Variants in PPHLN1 observed in about 807,000 individuals in gnomAD.
The protein encoded by PPHLN1 is periphilin 1.
In PPHLN1, 29 loss-of-function variants were observed where a neutral mutation model predicts 51.3. That is an observed-to-expected ratio of 0.57 (90% CI 0.42 to 0.77). The LOEUF is 0.77. PPHLN1 is among the 30% of genes least tolerant of loss of function. PPHLN1 has a pLI of 0.00. For synonymous variants in PPHLN1, 147 were observed against 147.8 expected (o/e 0.99, Z 0.04); for missense variants, 436 against 438.4 (o/e 0.99, Z 0.05).
chr12:42,435,247 G>C (rs1327392165), intron 9 of PPHLN1, among the ~76,000 whole-genome samples: 2 of 152,162 alleles, frequency 1.3e-5, no homozygotes, highest in Non-Finnish European at 2.9e-5. Context: ...ATTGATTGCT[G>C]AGGCTTTTTA....
At chr12:42,342,096 C>T (rs10880289) in intron 2 of PPHLN1, among the ~76,000 whole-genome samples, 24,665 of 150,706 alleles carry the variant, frequency 0.16, 2,049 homozygotes, top group Admixed American at 0.2. Context: ...AAATCAGTCA[C>T]CACAGAATAT....
intron 7 of PPHLN1, among the ~76,000 whole-genome samples, chr12:42,390,060 A>G (rs550116874): frequency 4.6e-5 from 7 of 152,330 alleles, no homozygotes; most frequent in African/African-American, 1.2e-4. Context: ...TCTCTTAGCC[A>G]TAACGGTTGT....
At chr12:42,328,466 T>C (rs2069143263) in intron 1 of PPHLN1, among the ~76,000 whole-genome samples, 1 of 152,212 alleles carries the variant, frequency 6.6e-6, no homozygotes, top group Non-Finnish European at 1.5e-5. Flanking sequence ...GGAAGGAGGC[T>C]GACCGGTTAA....
At position 42,412,057 on chromosome 12, in the gene PPHLN1, T is replaced by C. The variant is rs574975417; in HGVS notation, c.909+13063T>C. Among the ~76,000 whole-genome samples the C allele has an allele frequency of 1.6e-3, 250 of 151,856 alleles. 2 individuals are homozygous for C. Among genetic ancestry groups the C allele is most frequent in the African/African-American group, 5.2e-3 (217 of 41,386 alleles). Reference sequence around the variant, plus strand: ...CCGTCTCTACTAAAAATACAAAAATTAGCTGGGCGTGGTGGCACGCATCTA... The same window carrying C: ...CCGTCTCTACTAAAAATACAAAAATCAGCTGGGCGTGGTGGCACGCATCTA... On this transcript the variant is annotated intron_variant, in intron 9 of 9. Transcript: ENST00000358314.
At chr12:42,335,261 T>C (rs2070426780) in intron 1 of PPHLN1, among the ~76,000 whole-genome samples, 1 of 151,668 alleles carries the variant, frequency 6.6e-6, no homozygotes, top group Non-Finnish European at 1.5e-5. Flanking sequence ...TTGACAGAAC[T>C]TTTAATTTCA....
intron 2 of PPHLN1, among the ~76,000 whole-genome samples, chr12:42,349,114 T>C (rs1166216653): frequency 6.6e-6 from 1 of 152,244 alleles, no homozygotes; most frequent in Non-Finnish European, 1.5e-5. Flanking sequence ...AGTCATTTAA[T>C]AACAATTGAA....
intron 9 of PPHLN1, among the ~76,000 whole-genome samples, chr12:42,411,189 A>G (rs1056918413): frequency 6.6e-6 from 1 of 151,842 alleles, no homozygotes; most frequent in African/African-American, 2.4e-5. Context: ...GTGAAAGACT[A>G]TCTCTAAGTC....
At chr12:42,434,751 C>G (rs1042476835) in intron 9 of PPHLN1, among the ~76,000 whole-genome samples, 1 of 152,118 alleles carries the variant, frequency 6.6e-6, no homozygotes, top group Non-Finnish European at 1.5e-5. Context: ...TGGAGTGCAA[C>G]GGCGCGATCT....
intron 9 of PPHLN1, among the ~76,000 whole-genome samples, chr12:42,408,647 G>T (rs1344344872): frequency 3.7e-4 from 56 of 152,114 alleles, no homozygotes; most frequent in Non-Finnish European, 5.9e-5. Context: ...TCTGAGCCTT[G>T]CTTTGCTCAT....
intron 9 of PPHLN1, among the ~76,000 whole-genome samples, chr12:42,409,209 A>G (rs888262447): frequency 2.0e-5 from 3 of 152,140 alleles, no homozygotes; most frequent in African/African-American, 7.2e-5. Context: ...GGACTACTGT[A>G]TAGTCTTTGT....
intron 7 of PPHLN1, among the ~76,000 whole-genome samples, chr12:42,393,212 A>G (rs2139183244): frequency 6.6e-6 from 1 of 152,304 alleles, no homozygotes; most frequent in East Asian, 1.9e-4. Flanking sequence ...GACATTACTT[A>G]TTTCATTAAA....
intron 8 of PPHLN1, among the ~76,000 whole-genome samples, chr12:42,394,617 A>G (rs1477652675): frequency 6.6e-6 from 1 of 152,090 alleles, no homozygotes; most frequent in African/African-American, 2.4e-5. Flanking sequence ...CTTTCTTTTT[A>G]AAAATGCTGA....
chr12:42,403,860 T>C (rs566889607), intron 9 of PPHLN1, among the ~76,000 whole-genome samples: 7 of 152,308 alleles, frequency 4.6e-5, no homozygotes, highest in African/African-American at 1.7e-4. Context: ...TCTCTACCAG[T>C]GTTAGGTAAG....
rs544230813 is a variant in PPHLN1 at position 42,374,989 on chromosome 12, C to T, written c.426C>T (p.His142=). ...ESPVGRKDSP[H]SRSGSSVSSR... ...CTGTTGGCCGAAAGGATTCTCCACACAGCAGATCTGGTTCCAGTGTCAGTA... is the reference window on the plus strand; with the variant it reads ...CTGTTGGCCGAAAGGATTCTCCACATAGCAGATCTGGTTCCAGTGTCAGTA... The change falls in exon 5 of 10, where the codon CAC becomes CAT. Residue 142 remains histidine (H), a synonymous_variant. Transcript: ENST00000358314. The T allele has an allele frequency of 6.2e-7, 1 of 1,614,016 alleles. No homozygotes were observed. The highest frequency in any genetic ancestry group is 1.3e-5 in the African/African-American group (1 of 75,016).
chr12:42,382,072 T>C (rs563563664), intron 5 of PPHLN1, among the ~76,000 whole-genome samples: 1 of 152,306 alleles, frequency 6.6e-6, no homozygotes, highest in South Asian at 2.1e-4. Flanking sequence ...TGTAGGAGGA[T>C]TGGATAAATT....
chr12:42,355,964 G>T (rs910025344), intron 4 of PPHLN1, among the ~76,000 whole-genome samples: 1 of 151,408 alleles, frequency 6.6e-6, no homozygotes, highest in Non-Finnish European at 1.5e-5. Flanking sequence ...AAGTCCTTTT[G>T]GGAAACACAT....
intron 4 of PPHLN1, among the ~76,000 whole-genome samples, chr12:42,368,912 T>TGTAG (rs1313344238): frequency 6.6e-6 from 1 of 152,104 alleles, no homozygotes; most frequent in African/African-American, 2.4e-5. Flanking sequence ...AATATGAAGC[T>TGTAG]GTAGGTAGCC....
chr12:42,422,600 T>A (rs2081101370), intron 9 of PPHLN1, among the ~76,000 whole-genome samples: 1 of 152,234 alleles, frequency 6.6e-6, no homozygotes, highest in Non-Finnish European at 1.5e-5. Flanking sequence ...TTAGTGATTT[T>A]ACTAACCAAA....
intron 9 of PPHLN1, among the ~76,000 whole-genome samples, chr12:42,406,085 G>GT (rs1565956977): frequency 8.3e-6 from 1 of 120,832 alleles, no homozygotes; most frequent in African/African-American, 2.7e-5. Context: ...AGTTTAGTCT[G>GT]GTTTTTTTTT....
Sources: allele counts gnomAD v4.1 joint callset (sites outside exome capture counted in the v4.1 genomes callset), GRCh38; gene constraint gnomAD v4.1.1; transcripts MANE v1.5; gene names NCBI Gene and HGNC (gene_info 2026-07-23, HGNC 2026-07-21).